Variants in MYO5A observed in about 807,000 individuals in gnomAD.
MYO5A encodes myosin VA, also known as unconventional myosin-Va.
Under a neutral mutation model 249.7 loss-of-function variants are expected in MYO5A, and 98 were observed. The ratio of observed to expected loss-of-function variants is 0.39; its 90% CI spans 0.33 to 0.46. MYO5A has a LOEUF of 0.46. MYO5A is among the 20% of genes least tolerant of loss of function. The pLI is 0.98. For synonymous variants in MYO5A, 778 were observed against 810.6 expected (o/e 0.96, Z 0.68); for missense variants, 1,696 against 2,308.8 (o/e 0.73, Z 5.44).
At chr15:52,426,772 G>A (rs1433797500) in intron 3 of MYO5A, among the ~76,000 whole-genome samples, 1 of 152,034 alleles carries the variant, frequency 6.6e-6, no homozygotes, top group Non-Finnish European at 1.5e-5. Flanking sequence ...ACATATAATT[G>A]TTTTTCCTTT....
intron 1 of MYO5A, among the ~76,000 whole-genome samples, chr15:52,434,314 T>C (rs1436203909): frequency 6.6e-6 from 1 of 152,134 alleles, no homozygotes; most frequent in African/African-American, 2.4e-5. Context: ...TTGGATTTTT[T>C]TATGGTGGTT....
Position 52,337,894 on chromosome 15 carries a change from C to G in MYO5A, c.4240-10G>C. ...ATAATTCCTCAAAATACTGAAAAAA[C>G]AGGCACAATGGATATTTGTTTTTGT... On this transcript the variant is annotated splice_polypyrimidine_tract_variant and intron_variant, in intron 32 of 41. Coordinates refer to ENST00000399233, the MANE Select transcript of MYO5A (RefSeq NM_001382347.1). The G allele has an allele frequency of 6.6e-7, 1 of 1,521,268 alleles. No individual in the cohort carries two copies. The highest frequency in any genetic ancestry group is 8.9e-7 in the Non-Finnish European group (1 of 1,124,238). The allele number at this position is 1,521,268 out of a possible 1,614,324, so 94.2% of individuals were successfully genotyped here.
At position 52,528,721 on chromosome 15, in the gene MYO5A, C is replaced by T. The variant is rs950597564; in HGVS notation, c.27+59G>A. 4.2e-4 allele frequency: 618 copies of T among 1,480,782 alleles called. 2 individuals carry two copies. Among genetic ancestry groups the T allele is most frequent in the South Asian group, 1.6e-3 (125 of 78,602 alleles). 91.7% of individuals were successfully genotyped at this position (1,480,782 alleles called of 1,614,324 possible). A position where few individuals can be genotyped will look rare whatever the true frequency, so the allele number is the denominator to read the frequency against. On this transcript the variant is annotated intron_variant, in intron 1 of 41. Coordinates refer to ENST00000399233, the MANE Select transcript of MYO5A (RefSeq NM_001382347.1). The stretch of plus-strand genomic sequence containing the variant: ...CGCTCCCGCCCCCTCCCCAGCCTGA[C>T]AGCTGGCGGCGAGGGCCGCACAGCC...
At chr15:52,450,843 G>GTTTTTTGTTT (rs769982056) in intron 1 of MYO5A, among the ~76,000 whole-genome samples, 108 of 84,566 alleles carry the variant, frequency 1.3e-3, no homozygotes, top group African/African-American at 4.6e-3. Context: ...CACTACTGTG[G>GTTTTTTGTTT]TTTTTTTTTT....
intron 1 of MYO5A, among the ~76,000 whole-genome samples, chr15:52,445,338 CCT>C (rs1248440909): frequency 2.0e-5 from 3 of 152,134 alleles, no homozygotes; most frequent in Non-Finnish European, 4.4e-5. Flanking sequence ...GTGAAAGCTC[CCT>C]GAGGCCTCCC....
chr15:52,309,420 A>T lies in MYO5A; in HGVS notation c.*4276T>A, dbSNP rs1567005555. The T allele has an allele frequency of 6.6e-6, 1 of 152,316 alleles. No individual in the cohort carries two copies. The highest frequency in any genetic ancestry group is 1.9e-4 in the East Asian group (1 of 5,190). 9.4% of individuals were successfully genotyped at this position (152,316 alleles called of 1,614,324 possible). ...ATGCCAGCTGCCAACTCTGATAAAA[A>T]AGCACCCCTTGCTGGCCAGGGGCAT... On this transcript the variant is annotated 3_prime_UTR_variant, in exon 42 of 42. Transcript: ENST00000399233.
intron 1 of MYO5A, among the ~76,000 whole-genome samples, chr15:52,520,386 A>G (rs1038554556): frequency 2.6e-5 from 4 of 152,176 alleles, no homozygotes; most frequent in Non-Finnish European, 5.9e-5. Context: ...GAGAAGGCAC[A>G]TGACCAGAAT....
chr15:52,488,512 T>G (rs2076869722), intron 1 of MYO5A, among the ~76,000 whole-genome samples: 1 of 152,208 alleles, frequency 6.6e-6, no homozygotes, highest in South Asian at 2.1e-4. Context: ...TCCCTAGACC[T>G]AGGCTTTAAA....
At chr15:52,429,916 A>T (rs2075488690) in intron 2 of MYO5A, among the ~76,000 whole-genome samples, 1 of 152,130 alleles carries the variant, frequency 6.6e-6, no homozygotes, top group Non-Finnish European at 1.5e-5. Flanking sequence ...TATTCACTTT[A>T]AAGTCACGGG....
intron 9 of MYO5A, among the ~76,000 whole-genome samples, chr15:52,398,942 T>A (rs1461820454): frequency 6.6e-6 from 1 of 150,598 alleles, no homozygotes; most frequent in East Asian, 2.0e-4. Flanking sequence ...TGAGCTGAGA[T>A]AGTGCCACTG....
At chr15:52,448,324 A>T (rs191551404) in intron 1 of MYO5A, among the ~76,000 whole-genome samples, 1 of 152,172 alleles carries the variant, frequency 6.6e-6, no homozygotes, top group Non-Finnish European at 1.5e-5. Context: ...TTGTACTTGC[A>T]TGAGGTTTGT....
At chr15:52,425,325 ATGTCCCTTTATAAATG>A (rs1162677113) in intron 4 of MYO5A, among the ~76,000 whole-genome samples, 4 of 151,802 alleles carry the variant, frequency 2.6e-5, no homozygotes, top group Non-Finnish European at 5.9e-5. Flanking sequence ...TAAAAACTCT[ATGTCCCTTTATAAATG>A]TGAGGGGTTT....
intron 1 of MYO5A, among the ~76,000 whole-genome samples, chr15:52,481,149 A>G (rs2076707066): frequency 6.6e-6 from 1 of 152,216 alleles, no homozygotes; most frequent in African/African-American, 2.4e-5. Context: ...CTGCATTGCC[A>G]AAATCCCAGT....
intron 4 of MYO5A, among the ~76,000 whole-genome samples, chr15:52,420,838 G>A (rs191597939): frequency 1.3e-5 from 2 of 152,296 alleles, no homozygotes; most frequent in East Asian, 3.9e-4. Context: ...ATAGGGCCAG[G>A]TAGTTGAAAG....
chr15:52,528,659 G>A (rs1566886089), intron 1 of MYO5A, 121 bp downstream of exon 1: 2 of 1,184,270 alleles, frequency 1.7e-6, no homozygotes, highest in South Asian at 1.7e-5. Flanking sequence ...CTGAGGCGCT[G>A]AAGGGGATGG....
chr15:52,422,195 T>C (rs1405037755), intron 4 of MYO5A, among the ~76,000 whole-genome samples: 2 of 152,188 alleles, frequency 1.3e-5, no homozygotes, highest in African/African-American at 4.8e-5. Flanking sequence ...AGGTATTTTA[T>C]GAGGGCATTG....
chr15:52,451,707 G>GCTTT (rs2076024208), intron 1 of MYO5A, among the ~76,000 whole-genome samples: 1 of 152,034 alleles, frequency 6.6e-6, no homozygotes, highest in Admixed American at 6.6e-5. Context: ...TTTCTCTCTT[G>GCTTT]CTTTTTCTTG....
At chr15:52,347,000 A>AC (rs759394164) in intron 29 of MYO5A, among the ~76,000 whole-genome samples, 1 of 151,994 alleles carries the variant, frequency 6.6e-6, no homozygotes, top group Non-Finnish European at 1.5e-5. Context: ...AGCAAAATTA[A>AC]GTTTTTTTTC....
intron 18 of MYO5A, 41 bp from the exon 19 acceptor site, chr15:52,376,599 T>C: frequency 6.4e-7 from 1 of 1,554,338 alleles, no homozygotes; most frequent in Non-Finnish European, 8.8e-7. Context: ...ATAATAATCA[T>C]ATAAGTGAAA....
Sources: gnomAD v4.1 joint callset for allele counts (sites outside exome capture counted in the v4.1 genomes callset) on GRCh38, gnomAD v4.1.1 for gene constraint, MANE v1.5 for transcripts, NCBI Gene and HGNC (gene_info 2026-07-23, HGNC 2026-07-21) for gene names.